Variants in PDE11A observed in about 807,000 individuals in gnomAD.
The protein encoded by PDE11A is phosphodiesterase 11A, also known as dual 3',5'-cyclic-AMP and -GMP phosphodiesterase 11A.
Under a neutral mutation model 100.5 loss-of-function variants are expected in PDE11A, and 100 were observed. That is an observed-to-expected ratio of 1.00 (90% CI 0.85 to 1.18). PDE11A has a LOEUF of 1.18. Ranked by LOEUF, PDE11A falls within the 50% of genes most tolerant of loss-of-function variation. The probability of loss-of-function intolerance (pLI) is 0.00; values close to 1 mark genes in which losing one functional copy is unlikely to be tolerated. For synonymous variants in PDE11A, 381 were observed against 420.8 expected (o/e 0.91, Z 1.16); for missense variants, 1,141 against 1,152.6 (o/e 0.99, Z 0.15).
chr2:177,948,967 T>G (rs1193840261), intron 2 of PDE11A, among the ~76,000 whole-genome samples: 2 of 152,202 alleles, frequency 1.3e-5, no homozygotes, highest in Admixed American at 1.3e-4. Context: ...AGTCTTAATC[T>G]TTTTGCATGG....
chr2:177,994,959 G>A (rs1436705525), intron 2 of PDE11A, among the ~76,000 whole-genome samples: 3 of 152,078 alleles, frequency 2.0e-5, no homozygotes, highest in African/African-American at 7.2e-5. Context: ...AACCGAAGTT[G>A]TGCACTATTG....
At chr2:177,793,537 C>CAA (rs34902120) in intron 9 of PDE11A, among the ~76,000 whole-genome samples, 17 of 79,280 alleles carry the variant, frequency 2.1e-4, no homozygotes, top group African/African-American at 4.6e-4. Context: ...CAGGGATCTG[C>CAA]AAAAAAAAAA....
intron 9 of PDE11A, among the ~76,000 whole-genome samples, chr2:177,811,568 T>C (rs186357065): frequency 5.3e-5 from 5 of 93,602 alleles, no homozygotes; most frequent in African/African-American, 1.9e-4. Context: ...TTTGTATGCT[T>C]ACATTTCTAT....
chr2:177,658,473 C>T (rs1468721967), intron 19 of PDE11A, among the ~76,000 whole-genome samples: 2 of 151,608 alleles, frequency 1.3e-5, no homozygotes, highest in African/African-American at 2.4e-5. Flanking sequence ...CTCTGCCTCT[C>T]CTCCCTTCCC....
chr2:177,668,317 G>A (rs2080620226), intron 18 of PDE11A, among the ~76,000 whole-genome samples: 1 of 152,042 alleles, frequency 6.6e-6, no homozygotes, highest in South Asian at 2.1e-4. Flanking sequence ...TTTTTAAAGG[G>A]GGAAAAGCTT....
intron 5 of PDE11A, among the ~76,000 whole-genome samples, chr2:177,858,688 T>C (rs991322561): frequency 5.3e-5 from 8 of 152,160 alleles, no homozygotes; most frequent in East Asian, 3.8e-4. Context: ...GTCAGTGTGG[T>C]GATTCCTCAG....
intron 1 of PDE11A, among the ~76,000 whole-genome samples, chr2:178,053,796 A>C (rs2086861071): frequency 6.6e-6 from 1 of 152,186 alleles, no homozygotes; most frequent in African/African-American, 2.4e-5. Flanking sequence ...CTAGGAATAC[A>C]ACTTACAAGG....
At chr2:177,821,340 C>T (rs1022316217) in intron 6 of PDE11A, among the ~76,000 whole-genome samples, 1 of 151,550 alleles carries the variant, frequency 6.6e-6, no homozygotes, top group Non-Finnish European at 1.5e-5. Flanking sequence ...AAGTATACAG[C>T]TTAATGGATT....
In PDE11A at chr2:178,081,215, T is replaced by C. The variant is rs1395198744; in HGVS notation, c.162+23087A>G. 5.3e-5 allele frequency among the ~76,000 whole-genome samples: 8 copies of C among 152,340 alleles called. No homozygotes were observed. The East Asian group carries it at 1.5e-3, about 29-fold the overall frequency. ...TAAAGACAGAACCTGATGCTAGATA[T>C]TCCTCCTGAAGTTTAGCCTCTGAAA... On this transcript the variant is annotated intron_variant, in intron 2 of 20. Coordinates refer to the PDE11A transcript ENST00000358450.
At chr2:177,772,742 T>G (rs970202810) in intron 9 of PDE11A, among the ~76,000 whole-genome samples, 8 of 151,546 alleles carry the variant, frequency 5.3e-5, no homozygotes, top group Non-Finnish European at 1.2e-4. Flanking sequence ...TTTACTCCAC[T>G]AAATTGAAAC....
In PDE11A at chr2:177,817,839, T is replaced by G. The variant is rs765837812; in HGVS notation, c.1644+19A>C. 1 of 1,251,926 alleles carries G rather than the reference T, an allele frequency of 8.0e-7. No homozygotes were observed. Among genetic ancestry groups the G allele is most frequent in the South Asian group, 1.2e-5 (1 of 83,618 alleles). The allele number at this position is 1,251,926 out of a possible 1,614,324, so 77.6% of individuals were successfully genotyped here. On this transcript the variant is annotated intron_variant, in intron 8 of 19. Coordinates refer to ENST00000286063, the MANE Select transcript of PDE11A (RefSeq NM_016953.4). ...GGACTATTGATGACTCCACTTGGTT[T>G]ATAAATTTATTTTCTTACCTCAAAA...
intron 19 of PDE11A, among the ~76,000 whole-genome samples, chr2:177,659,043 G>T (rs1478986097): frequency 6.6e-6 from 1 of 152,008 alleles, no homozygotes; most frequent in Non-Finnish European, 1.5e-5. Context: ...TGGATCACTT[G>T]AGGTCAGGAG....
At chr2:177,634,211 G>T (rs919216420) in intron 19 of PDE11A, among the ~76,000 whole-genome samples, 1 of 151,958 alleles carries the variant, frequency 6.6e-6, no homozygotes, top group African/African-American at 2.4e-5. Context: ...CCTTTGTATG[G>T]AATAAAGAAA....
chr2:177,635,980 C>T (rs1229615156), intron 19 of PDE11A, among the ~76,000 whole-genome samples: 1 of 151,838 alleles, frequency 6.6e-6, no homozygotes, highest in Non-Finnish European at 1.5e-5. Context: ...TAATGGATAT[C>T]CCTGTACATA....
chr2:178,039,470 A>ACCC lies in PDE11A; in HGVS notation c.913-25013_913-25011dup, dbSNP rs1488527523. On this transcript the variant is annotated intron_variant, in intron 1 of 19. Transcript: ENST00000286063. ...GGGTGATGAAATAGTTACACAGCAA[A>ACCC]CCCCCATGACACAAGTTTACCTATA... 2.0e-5 allele frequency among the ~76,000 whole-genome samples: 3 copies of ACCC among 151,866 alleles called. No homozygotes were observed. The East Asian group carries it at 5.8e-4, about 29-fold the overall frequency.
At chr2:177,897,311 A>G (rs141675867) in intron 4 of PDE11A, among the ~76,000 whole-genome samples, 15 of 152,300 alleles carry the variant, frequency 9.8e-5, no homozygotes, top group African/African-American at 3.6e-4. Flanking sequence ...TTCCCCCTGA[A>G]AGCCAAAGGG....
intron 5 of PDE11A, among the ~76,000 whole-genome samples, chr2:177,849,868 C>T (rs2083669381): frequency 6.6e-6 from 1 of 151,660 alleles, no homozygotes; most frequent in Non-Finnish European, 1.5e-5. Context: ...AAAACCACTG[C>T]TCAATGAAAT....
intron 19 of PDE11A, 146 bp from the exon 20 acceptor site, chr2:177,629,708 C>CTTCTTGT: frequency 1.2e-6 from 1 of 821,764 alleles, no homozygotes; most frequent in Non-Finnish European, 2.1e-6. Flanking sequence ...GAGCTATTTA[C>CTTCTTGT]AAGAAGTAAA....
intron 5 of PDE11A, among the ~76,000 whole-genome samples, chr2:177,844,172 T>A (rs1433889411): frequency 6.6e-6 from 1 of 152,204 alleles, no homozygotes; most frequent in African/African-American, 2.4e-5. Flanking sequence ...GGGTGACTTA[T>A]AAACAACAAA....
Sources: gnomAD v4.1 joint callset for allele counts (sites outside exome capture counted in the v4.1 genomes callset) on GRCh38, gnomAD v4.1.1 for gene constraint, MANE v1.5 for transcripts, NCBI Gene and HGNC (gene_info 2026-07-23, HGNC 2026-07-21) for gene names.